Variants in CSNK1D observed in about 807,000 individuals in gnomAD.
CSNK1D encodes the protein casein kinase I isoform delta.
Under a neutral mutation model 46.6 loss-of-function variants are expected in CSNK1D, and 16 were observed. The ratio of observed to expected loss-of-function variants is 0.34; its 90% CI spans 0.23 to 0.52. The LOEUF is 0.52. CSNK1D is among the 20% of genes least tolerant of loss of function. The probability of loss-of-function intolerance (pLI) is 0.95; values close to 1 mark genes in which losing one functional copy is unlikely to be tolerated. For synonymous variants in CSNK1D, 276 were observed against 228.2 expected (o/e 1.21, Z -1.89); for missense variants, 398 against 578.4 (o/e 0.69, Z 3.20).
rs1491321741 is a variant in CSNK1D, at chr17:82,251,826, TGA to T, written c.737-301_737-300del. On this transcript the variant is annotated intron_variant, in intron 5 of 8. Transcript: ENST00000314028. The surrounding 1 kb of genome is among the most constrained non-coding windows in gnomAD (Gnocchi z 4.5). ...TAACACAGTGAAACCCCATCTCTAC[TGA>T]AAAAAAAAAAAAAAAAGTTCTAGAG... 6.6e-6 allele frequency: 2 copies of T among 304,012 alleles called. No individual in the cohort carries two copies. The highest frequency in any genetic ancestry group is 7.7e-5 in the East Asian group (1 of 12,956). The allele number at this position is 304,012 out of a possible 1,614,324, so 18.8% of individuals were successfully genotyped here. A position where few individuals can be genotyped will look rare whatever the true frequency, so the allele number is the denominator to read the frequency against.
At chr17:82,268,712 G>A (rs1275647300) in intron 1 of CSNK1D, among the ~76,000 whole-genome samples, 1 of 152,206 alleles carries the variant, frequency 6.6e-6, no homozygotes, top group African/African-American at 2.4e-5. Context: ...GGTCTGCTGT[G>A]AGACAGGGCT....
Position 82,248,445 on chromosome 17 carries a change from G to A in CSNK1D, c.1197+430C>T. 9.7e-7 allele frequency: 1 copy of A among 1,033,702 alleles called. No individual in the cohort carries two copies. The allele number at this position is 1,033,702 out of a possible 1,614,324, so 64.0% of individuals were successfully genotyped here. On this transcript the variant is annotated intron_variant, in intron 8 of 8. Coordinates refer to ENST00000314028, the MANE Select transcript of CSNK1D (RefSeq NM_001893.6). This position sits in a 1 kb window ranked among gnomAD's most constrained non-coding sequence, Gnocchi z 4.1. ...AGGGAGGGTCTCACAAGAAGCCCGT[G>A]GAGGTCCCTACGGGCCTCCATCCCT...
In CSNK1D at chr17:82,248,615, C is replaced by G. The variant is rs770017833; in HGVS notation, c.1197+260G>C. 2.2e-6 allele frequency: 3 copies of G among 1,337,910 alleles called. No individual in the cohort carries two copies. Among genetic ancestry groups the G allele is most frequent in the Non-Finnish European group, 2.9e-6 (3 of 1,039,330 alleles). The allele number at this position is 1,337,910 out of a possible 1,614,324, so 82.9% of individuals were successfully genotyped here. A position where few individuals can be genotyped will look rare whatever the true frequency, so the allele number is the denominator to read the frequency against. ...CTCAAACAGCAGGAGAAAGCCCCCA[C>G]GGTTTGCTGGCCTCAGGGACCTGAG... On this transcript the variant is annotated intron_variant, in intron 8 of 8. Transcript: ENST00000314028. The surrounding 1 kb of genome is among the most constrained non-coding windows in gnomAD (Gnocchi z 4.1).
At position 82,251,243 on chromosome 17, in the gene CSNK1D, C is replaced by T; in HGVS notation, c.885+136G>A. 1.9e-6 allele frequency: 2 copies of T among 1,032,578 alleles called. No homozygotes were observed. Among genetic ancestry groups the T allele is most frequent in the South Asian group, 2.7e-5 (2 of 73,246 alleles). The allele number at this position is 1,032,578 out of a possible 1,614,324, so 64.0% of individuals were successfully genotyped here. ...ACACCCACTCAGTCCAGGTCCTGCC[C>T]ACTACACACTTGCCCTTCACAACCA... On this transcript the variant is annotated intron_variant, in intron 6 of 8. Transcript: ENST00000314028. This position sits in a 1 kb window ranked among gnomAD's most constrained non-coding sequence, Gnocchi z 4.5.
At chr17:82,239,909 C>T (rs2050717458), downstream of CSNK1D, 5 of 991,146 alleles carry the variant, frequency 5.0e-6, no homozygotes, top group South Asian at 5.1e-5. Context: ...ACACCTAACA[C>T]CCACCTGCCC....
chr17:82,246,167 G>A (rs1320029257), intron 8 of CSNK1D: 7 of 1,540,252 alleles, frequency 4.5e-6, no homozygotes, highest in Non-Finnish European at 5.3e-6. Context: ...CCACCTGGGG[G>A]AGCCCAGGCA....
At chr17:82,258,497 T>C (rs1481019116) in intron 2 of CSNK1D, among the ~76,000 whole-genome samples, 10 of 152,126 alleles carry the variant, frequency 6.6e-5, no homozygotes. Context: ...TTCCCGACTT[T>C]GGGTGTTTCA....
intron 8 of CSNK1D, chr17:82,247,981 C>T (rs1384094943): frequency 2.0e-6 from 2 of 985,352 alleles, no homozygotes; most frequent in Non-Finnish European, 2.4e-6. Flanking sequence ...ACACCCAGCC[C>T]CGCTCACGGC....
intron 8 of CSNK1D, chr17:82,246,352 C>T (rs961979607): frequency 2.3e-5 from 30 of 1,295,876 alleles, no homozygotes; most frequent in African/African-American, 1.4e-4. Flanking sequence ...TGGGCAGCCC[C>T]ACAACTGGGT....
chr17:82,249,194 G>A lies in CSNK1D; in HGVS notation c.1058-180C>T, dbSNP rs1334126691. 1.6e-5 allele frequency: 13 copies of A among 822,916 alleles called. No individual in the cohort carries two copies. The highest frequency in any genetic ancestry group is 2.7e-5 in the East Asian group (1 of 37,420). 51.0% of individuals were successfully genotyped at this position (822,916 alleles called of 1,614,324 possible). A position where few individuals can be genotyped will look rare whatever the true frequency, so the allele number is the denominator to read the frequency against. On this transcript the variant is annotated intron_variant, in intron 7 of 8. Transcript: ENST00000314028. This position sits in a 1 kb window ranked among gnomAD's most constrained non-coding sequence, Gnocchi z 6.7. ...GAGGGACACAAAGGGACATGGGAGC[G>A]AGGTCAAGGGGCTCACAGGGGAGGA...
chr17:82,265,217 C>T lies in CSNK1D; in HGVS notation c.187+469G>A, dbSNP rs1422533587. The T allele has an allele frequency of 5.1e-5, 11 of 217,298 alleles. No homozygotes were observed. In the South Asian group the frequency reaches 5.1e-4, roughly 10 times the overall value. The allele number at this position is 217,298 out of a possible 1,614,324, so 13.5% of individuals were successfully genotyped here. ...TGGGGGGGACAGGGTCTCACTCTGTCGCCCAGGCTGGAGTGCAGTGGCGTG... is the reference window on the plus strand; with the variant it reads ...TGGGGGGGACAGGGTCTCACTCTGTTGCCCAGGCTGGAGTGCAGTGGCGTG... On this transcript the variant is annotated intron_variant, in intron 2 of 8. Transcript: ENST00000314028.
At chr17:82,242,564 G>A (rs952155323), downstream of CSNK1D, 5 of 865,672 alleles carry the variant, frequency 5.8e-6, no homozygotes, top group African/African-American at 1.8e-5. Context: ...GGCTGAGAAA[G>A]AACAAACAGC....
chr17:82,273,090 C>T lies in CSNK1D; in HGVS notation c.76+216G>A, dbSNP rs2051678432. ...CCCTCTCCAGACCCTGCTCCCCCGACCTGGTCCTGCCCCTCCCCCACGTCC... is the reference window on the plus strand; with the variant it reads ...CCCTCTCCAGACCCTGCTCCCCCGATCTGGTCCTGCCCCTCCCCCACGTCC... On this transcript the variant is annotated intron_variant, in intron 1 of 8. Coordinates refer to ENST00000314028, the MANE Select transcript of CSNK1D (RefSeq NM_001893.6). The surrounding 1 kb of genome is among the most constrained non-coding windows in gnomAD (Gnocchi z 5.1). The T allele has an allele frequency of 3.6e-6, 2 of 555,252 alleles. No individual in the cohort carries two copies. Among genetic ancestry groups the T allele is most frequent in the East Asian group, 6.4e-5 (2 of 31,484 alleles). 34.4% of individuals were successfully genotyped at this position (555,252 alleles called of 1,614,324 possible).
In CSNK1D at chr17:82,248,785, AAAG is replaced by A. The variant is rs781111424; in HGVS notation, c.1197+87_1197+89del. The A allele has an allele frequency of 1.4e-5, 22 of 1,539,078 alleles. No individual in the cohort carries two copies. Among genetic ancestry groups the A allele is most frequent in the East Asian group, 9.7e-5 (4 of 41,076 alleles). ...CTCTCAAAAATGGGGGGAAGAAAGG[AAAG>A]AAGAAGCCCTGGAGAAACCACAGCC... On this transcript the variant is annotated intron_variant, in intron 8 of 8. Transcript: ENST00000314028. This position sits in a 1 kb window ranked among gnomAD's most constrained non-coding sequence, Gnocchi z 4.1.
chr17:82,245,377 G>C (rs1033659090), intron 8 of CSNK1D: 1 of 246,602 alleles, frequency 4.1e-6, no homozygotes. Context: ...GCTGCGGCTG[G>C]AGGAGTTAAT....
At chr17:82,244,961 G>A (rs573681245) in intron 8 of CSNK1D, 130 bp from the exon 9 acceptor site, 31 of 1,188,288 alleles carry the variant, frequency 2.6e-5, no homozygotes, top group Admixed American at 1.7e-4. Flanking sequence ...AGACGCCTGC[G>A]TCCCCCGCCA....
At chr17:82,241,898 C>G (rs1397029394), downstream of CSNK1D, among the ~76,000 whole-genome samples, 1 of 152,202 alleles carries the variant, frequency 6.6e-6, no homozygotes, top group Non-Finnish European at 1.5e-5. Context: ...AGCCCCGGAA[C>G]GTGGGGCTCA....
chr17:82,240,136 C>G (rs1485682335), downstream of CSNK1D: 1 of 1,140,870 alleles, frequency 8.8e-7, no homozygotes. Context: ...CTTGCGCCAG[C>G]TGGGCTTGAG....
At chr17:82,246,795 A>G (rs1176964983) in intron 8 of CSNK1D, 2 of 987,928 alleles carry the variant, frequency 2.0e-6, no homozygotes, top group East Asian at 2.3e-4. Context: ...AGAGGAGCAG[A>G]AAGAACAGGG....
Sources: gnomAD v4.1 joint callset for allele counts (sites outside exome capture counted in the v4.1 genomes callset) on GRCh38, gnomAD v4.1.1 for gene constraint, Gnocchi (gnomAD v3.1) non-coding constraint, MANE v1.5 for transcripts, NCBI Gene and HGNC (gene_info 2026-07-23, HGNC 2026-07-21) for gene names.